PARD3B: variants seen among roughly 807,000 people sequenced by gnomAD.
PARD3B encodes par-3 family cell polarity regulator beta, also known as partitioning defective 3 homolog B.
In PARD3B, 103 loss-of-function variants were observed where a neutral mutation model predicts 130.2. The observed-to-expected ratio is 0.79, with a 90% CI of 0.67 to 0.93. The LOEUF is 0.93. Ranked by LOEUF, PARD3B falls within the 40% of genes least tolerant of loss-of-function variation. PARD3B has a pLI of 0.00. For missense variants in PARD3B, 1,609 were observed against 1,499.2 expected, an observed-to-expected ratio of 1.07 and a Z score of -1.21; for synonymous variants, 583 against 553.2, an observed-to-expected ratio of 1.05 and a Z score of -0.76.
intron 4 of PARD3B, among the ~76,000 whole-genome samples, chr2:205,067,364 A>C (rs1279507795): frequency 6.6e-6 from 1 of 151,896 alleles, no homozygotes; most frequent in African/African-American, 2.4e-5. Context: ...AGGTTTCACT[A>C]GGTTGCATAG....
At chr2:204,552,768 C>T (rs1169889299) in intron 1 of PARD3B, among the ~76,000 whole-genome samples, 1 of 152,192 alleles carries the variant, frequency 6.6e-6, no homozygotes, top group Non-Finnish European at 1.5e-5. Context: ...CCTTTCCCCA[C>T]TTAATGTTTT....
intron 18 of PARD3B, among the ~76,000 whole-genome samples, chr2:205,379,841 G>A (rs879406249): frequency 4.6e-5 from 7 of 151,804 alleles, no homozygotes; most frequent in Non-Finnish European, 8.8e-5. Flanking sequence ...AGGCCAAAGC[G>A]GGTGGATCAC....
intron 2 of PARD3B, among the ~76,000 whole-genome samples, chr2:204,864,656 G>A (rs901939087): frequency 1.3e-5 from 2 of 151,964 alleles, no homozygotes; most frequent in Non-Finnish European, 2.9e-5. Flanking sequence ...CCTGGCATTC[G>A]TTACTATCTG....
intron 20 of PARD3B, among the ~76,000 whole-genome samples, chr2:205,493,403 T>A (rs2049796760): frequency 6.6e-6 from 1 of 152,196 alleles, no homozygotes; most frequent in African/African-American, 2.4e-5. Flanking sequence ...TTTTTCTTTA[T>A]TCCATGTCTT....
At chr2:205,483,032 A>C (rs1297882075) in intron 20 of PARD3B, among the ~76,000 whole-genome samples, 1 of 152,070 alleles carries the variant, frequency 6.6e-6, no homozygotes, top group Admixed American at 6.6e-5. Flanking sequence ...TAATGATTAC[A>C]TGCTGCTTCA....
intron 2 of PARD3B, among the ~76,000 whole-genome samples, chr2:204,958,492 A>C (rs1381291283): frequency 6.6e-6 from 1 of 152,180 alleles, no homozygotes; most frequent in Non-Finnish European, 1.5e-5. Context: ...AATAAAGGAA[A>C]AACAGAAATT....
At chr2:204,575,403 A>G (rs954728084) in intron 1 of PARD3B, among the ~76,000 whole-genome samples, 3 of 152,234 alleles carry the variant, frequency 2.0e-5, no homozygotes, top group Non-Finnish European at 4.4e-5. Context: ...AATTATTTAA[A>G]TAGTTCAGAA....
At chr2:205,282,350 G>A (rs927424222) in intron 16 of PARD3B, among the ~76,000 whole-genome samples, 1 of 151,580 alleles carries the variant, frequency 6.6e-6, no homozygotes, top group South Asian at 2.1e-4. Flanking sequence ...ACTACCTATT[G>A]CCAGAAACTG....
intron 1 of PARD3B, among the ~76,000 whole-genome samples, chr2:204,576,403 A>G (rs2032261503): frequency 6.6e-6 from 1 of 152,148 alleles, no homozygotes; most frequent in Admixed American, 6.5e-5. Context: ...TTCTTATGGC[A>G]GTATCTGTTT....
chr2:204,811,833 C>T (rs2042972608), intron 2 of PARD3B, among the ~76,000 whole-genome samples: 1 of 151,986 alleles, frequency 6.6e-6, no homozygotes, highest in South Asian at 2.1e-4. Context: ...AAACAAAAAA[C>T]TAATGTTTGC....
intron 1 of PARD3B, among the ~76,000 whole-genome samples, chr2:204,593,042 G>T (rs1346884953): frequency 4.6e-5 from 7 of 152,242 alleles, no homozygotes; most frequent in African/African-American, 1.7e-4. Context: ...GGGACATTTG[G>T]ATTGTTTCCA....
At chr2:204,809,927 A>G (rs1158258783) in intron 2 of PARD3B, among the ~76,000 whole-genome samples, 3 of 151,960 alleles carry the variant, frequency 2.0e-5, no homozygotes, top group Non-Finnish European at 4.4e-5. Context: ...GCAGTGTTTC[A>G]TAAGTCTTAT....
In PARD3B at chr2:205,176,531, T is replaced by C; in HGVS notation, c.1878T>C (p.Ser626=). 1.2e-6 allele frequency: 2 copies of C among 1,612,586 alleles called. No individual in the cohort carries two copies. The highest frequency in any genetic ancestry group is 8.5e-7 in the Non-Finnish European group (1 of 1,179,016). Residue 626 remains serine (S), a synonymous_variant, in exon 13 of 23, where the codon AGT becomes AGC. Coordinates refer to ENST00000406610, the MANE Select transcript of PARD3B (RefSeq NM_001302769.2). This position sits in a 1 kb window ranked among gnomAD's most constrained non-coding sequence, Gnocchi z 5.3. ...CCACCTCTAGGCGAAATGATAATAG[T>C]ATCCTGCATCCACTTGGCACTTGCA... is the stretch of plus-strand genomic sequence containing the variant. ...AVTTSRRNDN[S]ILHPLGTCSP...
At chr2:204,932,335 T>C (rs1382096847) in intron 2 of PARD3B, among the ~76,000 whole-genome samples, 4 of 152,138 alleles carry the variant, frequency 2.6e-5, no homozygotes, top group Non-Finnish European at 4.4e-5. Context: ...AGCTTAATGC[T>C]CTTATTTCAT....
intron 2 of PARD3B, among the ~76,000 whole-genome samples, chr2:204,844,134 T>C (rs2044366087): frequency 6.6e-6 from 1 of 152,174 alleles, no homozygotes; most frequent in South Asian, 2.1e-4. Context: ...AAATAAGCCT[T>C]TCCCAAAGGA....
At chr2:205,245,148 T>C (rs1273161714) in intron 15 of PARD3B, among the ~76,000 whole-genome samples, 2 of 152,192 alleles carry the variant, frequency 1.3e-5, no homozygotes, top group African/African-American at 4.8e-5. Context: ...GCTTGGGTGT[T>C]GGCTTTCCCG....
At chr2:205,010,382 T>G (rs1695619318) in intron 3 of PARD3B, among the ~76,000 whole-genome samples, 1 of 152,198 alleles carries the variant, frequency 6.6e-6, no homozygotes, top group African/African-American at 2.4e-5. Context: ...TCAAGATCTA[T>G]GCACAGCTGC....
At chr2:205,296,922 T>G (rs1463400830) in intron 16 of PARD3B, among the ~76,000 whole-genome samples, 1 of 152,052 alleles carries the variant, frequency 6.6e-6, no homozygotes, top group Non-Finnish European at 1.5e-5. Context: ...GCCACAATTT[T>G]AAGAGAAAAT....
At position 205,158,681 on chromosome 2, in the gene PARD3B, C is replaced by A. The variant is rs1419862099; in HGVS notation, c.1435-41C>A. 1 of 1,541,024 alleles carries A rather than the reference C, an allele frequency of 6.5e-7. No homozygotes were observed. Among genetic ancestry groups the A allele is most frequent in the Admixed American group, 1.9e-5 (1 of 53,546 alleles). On this transcript the variant is annotated intron_variant, in intron 10 of 22. Transcript: ENST00000406610. This position sits in a 1 kb window ranked among gnomAD's most constrained non-coding sequence, Gnocchi z 5.4. ...TCTGAGAGAGTGAAATATTAATCTG[C>A]TTTCTTCTCTTCACTCTTTTCATGT...
Sources: allele counts gnomAD v4.1 joint callset (sites outside exome capture counted in the v4.1 genomes callset), GRCh38; gene constraint gnomAD v4.1.1; non-coding constraint Gnocchi (gnomAD v3.1); transcripts MANE v1.5; gene names NCBI Gene and HGNC (gene_info 2026-07-23, HGNC 2026-07-21).